The following PATJ variants were observed in gnomAD, a reference collection of about 807,000 sequenced individuals.
PATJ encodes PATJ crumbs cell polarity complex component.
PATJ carries 190 observed loss-of-function variants against 224.9 expected under a neutral mutation model. That is an observed-to-expected ratio of 0.84 (90% CI 0.75 to 0.95). The LOEUF (loss-of-function observed/expected upper bound fraction) is 0.95. Ranked by LOEUF, PATJ falls within the 40% of genes least tolerant of loss-of-function variation. The pLI is 0.00. For synonymous variants in PATJ, 769 were observed against 820.3 expected, an observed-to-expected ratio of 0.94 and a Z score of 1.07; for missense variants, 2,121 against 2,270.3, an observed-to-expected ratio of 0.93 and a Z score of 1.34.
chr1:62,118,507 G>T lies in PATJ; in HGVS notation c.4890+1289G>T, dbSNP rs139438820. Among the ~76,000 whole-genome samples the T allele has an allele frequency of 2.0e-4, 30 of 152,278 alleles. 1 individual carries two copies. The East Asian group carries it at 5.6e-3, about 28-fold the overall frequency. On this transcript the variant is annotated intron_variant, in intron 37 of 43. Transcript: ENST00000642238. ...GACAGGGAAAATAGCATACACAAAG[G>T]CACAAAGAGGTAACAGGTGTTTGTG... is the stretch of plus-strand genomic sequence containing the variant.
intron 27 of PATJ, among the ~76,000 whole-genome samples, chr1:61,949,239 G>C (rs1398776846): frequency 6.6e-6 from 1 of 151,608 alleles, no homozygotes; most frequent in Non-Finnish European, 1.5e-5. Flanking sequence ...AAAAAAGGAA[G>C]CCTGCTGCAA....
chr1:62,123,136 G>A, intron 39 of PATJ, 78 bp downstream of exon 39: 1 of 988,016 alleles, frequency 1.0e-6, no homozygotes, highest in South Asian at 1.4e-5. Flanking sequence ...CCCCAATACA[G>A]TTTATTGGAT....
chr1:61,758,251 C>T (rs1033052947), intron 1 of PATJ, among the ~76,000 whole-genome samples: 1 of 152,188 alleles, frequency 6.6e-6, no homozygotes, highest in Admixed American at 6.5e-5. Flanking sequence ...TCACTTTCTT[C>T]TACATTGGGA....
intron 41 of PATJ, among the ~76,000 whole-genome samples, chr1:62,144,786 A>T (rs1667870842): frequency 6.9e-6 from 1 of 144,554 alleles, no homozygotes; most frequent in Non-Finnish European, 1.5e-5. Flanking sequence ...AAATATATAT[A>T]TATATATATA....
rs747241408 is a variant in PATJ, at chr1:62,162,979, TAG to T, written c.*1928_*1929del. ...AAAAAAAACCATGAAGGATGAGTAC[TAG>T]AGTCAGTAATAGAAGTAGTTCAGCA... is the stretch of plus-strand genomic sequence containing the variant. On this transcript the variant is annotated 3_prime_UTR_variant, in exon 44 of 44. Coordinates refer to ENST00000642238, the MANE Select transcript of PATJ (RefSeq NM_001350145.3). 11 of 378,972 alleles carry T rather than the reference TAG, an allele frequency of 2.9e-5. No individual in the cohort carries two copies. The highest frequency in any genetic ancestry group is 1.9e-4 in the South Asian group (10 of 52,216). The allele number at this position is 378,972 out of a possible 1,614,324, so 23.5% of individuals were successfully genotyped here. A position where few individuals can be genotyped will look rare whatever the true frequency, so the allele number is the denominator to read the frequency against.
At chr1:61,929,143 G>T (rs557528011) in intron 27 of PATJ, among the ~76,000 whole-genome samples, 8 of 152,234 alleles carry the variant, frequency 5.3e-5, no homozygotes, top group Non-Finnish European at 1.2e-4. Context: ...GTGCACATGT[G>T]TAATATATTT....
rs145855718 is a variant in PATJ, at chr1:61,925,723, A to C, written c.3571-2007A>C. 4.6e-4 allele frequency among the ~76,000 whole-genome samples: 70 copies of C among 152,326 alleles called. 1 individual carries two copies. The highest frequency in any genetic ancestry group is 1.5e-3 in the African/African-American group (64 of 41,572). On this transcript the variant is annotated intron_variant, in intron 26 of 43. Transcript: ENST00000642238. ...GAAAAAAATAAAAACATGACTGAAA[A>C]TTATGCAAAATGTGCAGGTGCCAGG...
chr1:61,777,103 TG>T (rs1472004130), intron 7 of PATJ, among the ~76,000 whole-genome samples: 10 of 152,206 alleles, frequency 6.6e-5, no homozygotes, highest in Non-Finnish European at 1.5e-4. Flanking sequence ...TATCCAGACT[TG>T]GGTATTTGGA....
In PATJ at chr1:61,763,020, G is replaced by A. The variant is rs758201718; in HGVS notation, c.30G>A (p.Leu10=). 1 of 1,607,910 alleles carries A rather than the reference G, an allele frequency of 6.2e-7. No individual in the cohort carries two copies. MPENPATDK[L]QVLQVLDRLK... is the part of the protein sequence containing the mutation. ...TATTCATCTTGACCCAAGATAAACT[G>A]CAGGTGCTGCAGGTACTTGATCGCC... The change falls in exon 3 of 44, where the codon CTG becomes CTA. Residue 10 remains leucine, a synonymous_variant. Coordinates refer to ENST00000642238, the MANE Select transcript of PATJ (RefSeq NM_001350145.3).
intron 30 of PATJ, among the ~76,000 whole-genome samples, chr1:62,049,452 G>A (rs934267675): frequency 3.3e-5 from 5 of 152,148 alleles, no homozygotes; most frequent in African/African-American, 1.2e-4. Context: ...TTATGAGTGA[G>A]ATTGAATGTC....
At chr1:61,884,449 T>A in intron 22 of PATJ, 41 bp downstream of exon 22, 1 of 804,428 alleles carries the variant, frequency 1.2e-6, no homozygotes, top group Non-Finnish European at 1.7e-6. Context: ...TATAAAATAG[T>A]GGTTTTTTTT....
intron 7 of PATJ, among the ~76,000 whole-genome samples, chr1:61,783,763 T>TC (rs1553159376): frequency 1.3e-5 from 2 of 150,218 alleles, no homozygotes; most frequent in East Asian, 1.9e-4. Flanking sequence ...TTTTTTTTTT[T>TC]CTGAGACAGG....
intron 34 of PATJ, among the ~76,000 whole-genome samples, chr1:62,109,337 T>C (rs967785987): frequency 1.3e-5 from 2 of 152,156 alleles, no homozygotes; most frequent in African/African-American, 4.8e-5. Context: ...TTTTTCCCTT[T>C]GGTGGTTCAT....
chr1:62,104,080 G>A (rs1483934572), intron 33 of PATJ, among the ~76,000 whole-genome samples: 2 of 152,016 alleles, frequency 1.3e-5, no homozygotes, highest in Non-Finnish European at 2.9e-5. Context: ...TTTGTAGGCT[G>A]GAGTCACTGA....
intron 27 of PATJ, among the ~76,000 whole-genome samples, chr1:61,946,737 T>C (rs973443371): frequency 6.6e-6 from 1 of 152,134 alleles, no homozygotes; most frequent in African/African-American, 2.4e-5. Context: ...ATCATCCTGA[T>C]ACCAAAGCCT....
At chr1:61,941,574 T>C (rs12120335) in intron 27 of PATJ, among the ~76,000 whole-genome samples, 5,688 of 152,190 alleles carry the variant, frequency 0.037, 158 homozygotes, top group Non-Finnish European at 0.06. Context: ...TTGCTTGAGC[T>C]GCGGAGGTGG....
At chr1:61,759,880 A>T (rs1220381563) in intron 1 of PATJ, among the ~76,000 whole-genome samples, 1 of 152,186 alleles carries the variant, frequency 6.6e-6, no homozygotes, top group Non-Finnish European at 1.5e-5. Context: ...ACATTGTGTA[A>T]ATTTTTATTT....
chr1:62,011,362 G>C (rs1646436660), intron 28 of PATJ, among the ~76,000 whole-genome samples: 1 of 152,166 alleles, frequency 6.6e-6, no homozygotes, highest in East Asian at 1.9e-4. Flanking sequence ...TCATTGTAGG[G>C]TATTAATTGG....
intron 8 of PATJ, among the ~76,000 whole-genome samples, chr1:61,790,196 C>A (rs1379808171): frequency 7.6e-6 from 1 of 131,570 alleles, no homozygotes; most frequent in Non-Finnish European, 1.6e-5. Context: ...AGAGCATGAT[C>A]CTGTCTCTGA....
Sources: gnomAD v4.1 joint callset for allele counts (sites outside exome capture counted in the v4.1 genomes callset) on GRCh38, gnomAD v4.1.1 for gene constraint, MANE v1.5 for transcripts, NCBI Gene and HGNC (gene_info 2026-07-23, HGNC 2026-07-21) for gene names.